FXR1: variants seen among roughly 807,000 people sequenced by gnomAD.
FXR1 encodes FMR1 autosomal homolog 1.
A neutral mutation model predicts 84.0 loss-of-function variants in FXR1; 15 were observed. The ratio of observed to expected loss-of-function variants is 0.18; its 90% CI spans 0.12 to 0.27. The LOEUF (loss-of-function observed/expected upper bound fraction) is 0.27, where lower values mean the gene tolerates loss of function less well. FXR1 is among the 10% of genes least tolerant of loss of function. The probability of loss-of-function intolerance (pLI) is 1.00; values close to 1 mark genes in which losing one functional copy is unlikely to be tolerated. For missense variants in FXR1, 480 were observed against 774.4 expected (o/e 0.62, Z 4.51); for synonymous variants, 245 against 250.7 (o/e 0.98, Z 0.21).
At chr3:180,933,426 T>G in intron 2 of FXR1, 40 bp downstream of exon 2, 1 of 1,154,122 alleles carries the variant, frequency 8.7e-7, no homozygotes, top group Non-Finnish European at 1.3e-6. Flanking sequence ...ATTTTAGAGA[T>G]GGCAGTGCCA....
intron 1 of FXR1, among the ~76,000 whole-genome samples, chr3:180,923,865 TA>T (rs1379989396): frequency 6.6e-6 from 1 of 152,120 alleles, no homozygotes; most frequent in African/African-American, 2.4e-5. Flanking sequence ...GGGTTGGGAT[TA>T]CAGACCCTCA....
intron 3 of FXR1, among the ~76,000 whole-genome samples, chr3:180,943,078 T>C (rs1215365026): frequency 6.6e-6 from 1 of 151,920 alleles, no homozygotes; most frequent in East Asian, 1.9e-4. Flanking sequence ...GTGATTCTCC[T>C]GCCTCAGCCT....
At chr3:180,943,156 G>A (rs565897301) in intron 3 of FXR1, among the ~76,000 whole-genome samples, 5 of 151,688 alleles carry the variant, frequency 3.3e-5, no homozygotes, top group East Asian at 1.9e-4. Context: ...TAGTAGAGAC[G>A]GGGTTTCACC....
intron 3 of FXR1, among the ~76,000 whole-genome samples, chr3:180,939,476 A>G (rs1301139183): frequency 1.3e-5 from 2 of 152,164 alleles, no homozygotes; most frequent in Non-Finnish European, 2.9e-5. Flanking sequence ...GAACTGCCAA[A>G]TGAAAGAGAT....
intron 1 of FXR1, among the ~76,000 whole-genome samples, chr3:180,923,794 C>T (rs1281025527): frequency 2.6e-5 from 4 of 151,966 alleles, no homozygotes; most frequent in African/African-American, 7.3e-5. Flanking sequence ...CCTATGTTGC[C>T]CAGGCTGGCT....
At chr3:180,935,716 T>A (rs1720445581) in intron 3 of FXR1, among the ~76,000 whole-genome samples, 1 of 152,036 alleles carries the variant, frequency 6.6e-6, no homozygotes, top group African/African-American at 2.4e-5. Flanking sequence ...GAGGAAAAAT[T>A]TAAAAGTACA....
At chr3:180,948,279 T>G (rs116548954) in intron 4 of FXR1, 68 bp from the exon 5 acceptor site, 22,277 of 1,172,876 alleles carry the variant, frequency 0.019, 285 homozygotes, top group Middle Eastern at 0.037. Flanking sequence ...GCAAGGTAAT[T>G]AGAACTTCAT....
rs201969106 is a variant in FXR1, at chr3:180,963,102, T to A, written c.1198+12T>A. On this transcript the variant is annotated intron_variant, in intron 13 of 16. Coordinates refer to ENST00000357559, the MANE Select transcript of FXR1 (RefSeq NM_005087.4). ...CACCTCCGGTTATGGTAAAAAAAAA[T>A]TTTTTTTTTTTTTTTTTGGTAATAG... 165 of 245,070 alleles carry A rather than the reference T, an allele frequency of 6.7e-4. No homozygotes were observed. The highest frequency in any genetic ancestry group is 2.2e-3 in the African/African-American group (69 of 31,020). 15.2% of individuals were successfully genotyped at this position (245,070 alleles called of 1,614,324 possible).
At chr3:180,929,767 T>G (rs558736259) in intron 1 of FXR1, among the ~76,000 whole-genome samples, 1 of 152,350 alleles carries the variant, frequency 6.6e-6, no homozygotes, top group South Asian at 2.1e-4. Context: ...TTAAAAGTAT[T>G]GACTGTGTCC....
chr3:180,935,258 G>C (rs1720387621), intron 3 of FXR1, 27 bp downstream of exon 3: 1 of 1,007,634 alleles, frequency 9.9e-7, no homozygotes, highest in Non-Finnish European at 1.6e-6. Context: ...TTATTTTCTT[G>C]TGTCTATTTT....
At chr3:180,968,928 C>G (rs1713186628) in intron 14 of FXR1, among the ~76,000 whole-genome samples, 1 of 152,080 alleles carries the variant, frequency 6.6e-6, no homozygotes, top group Non-Finnish European at 1.5e-5. Flanking sequence ...GATACATAGA[C>G]TATATTAAGG....
chr3:180,914,727 A>G (rs561330612), intron 1 of FXR1: 148 of 832,102 alleles, frequency 1.8e-4, no homozygotes, highest in Admixed American at 6.8e-4. Context: ...CATATCTACA[A>G]TCTACTGCTT....
intron 1 of FXR1, among the ~76,000 whole-genome samples, chr3:180,923,366 T>A: frequency 6.6e-6 from 1 of 152,172 alleles, no homozygotes; most frequent in Non-Finnish European, 1.5e-5. Context: ...ACATTGTGAT[T>A]TGCTTTTTGG....
chr3:180,927,180 A>G (rs953710073), intron 1 of FXR1, among the ~76,000 whole-genome samples: 1 of 152,038 alleles, frequency 6.6e-6, no homozygotes, highest in African/African-American at 2.4e-5. Context: ...AGAGTTTAAA[A>G]CTATATGAAT....
chr3:180,914,079 A>G (rs1366400834), intron 1 of FXR1, among the ~76,000 whole-genome samples: 1 of 152,198 alleles, frequency 6.6e-6, no homozygotes, highest in East Asian at 1.9e-4. Context: ...GCAAGTTTAA[A>G]TCTCCTTAGG....
chr3:180,955,287 C>A (rs545407687), intron 9 of FXR1, among the ~76,000 whole-genome samples: 1 of 152,214 alleles, frequency 6.6e-6, no homozygotes, highest in South Asian at 2.1e-4. Context: ...GCGTGATCCA[C>A]CGCGCCCGGA....
chr3:180,963,092 TAA>T lies in FXR1; in HGVS notation c.1198+10_1198+11del. ...GACCTAATTACACCTCCGGTTATGGTAAAAAAAAATTTTTTTTTTTTTTTTTT... is the reference window on the plus strand; with the variant it reads ...GACCTAATTACACCTCCGGTTATGGTAAAAAAATTTTTTTTTTTTTTTTTT... On this transcript the variant is annotated splice_donor_region_variant and intron_variant, in intron 13 of 16. Coordinates refer to ENST00000357559, the MANE Select transcript of FXR1 (RefSeq NM_005087.4). 5.9e-6 allele frequency: 8 copies of T among 1,353,074 alleles called. No individual in the cohort carries two copies. The highest frequency in any genetic ancestry group is 8.2e-6 in the Non-Finnish European group (8 of 973,092). 83.8% of individuals were successfully genotyped at this position (1,353,074 alleles called of 1,614,324 possible).
chr3:180,914,912 CTG>C (rs1717695854), intron 1 of FXR1: 1 of 984,414 alleles, frequency 1.0e-6, no homozygotes, highest in Non-Finnish European at 1.2e-6. Flanking sequence ...TTTGTGGAAA[CTG>C]TGGTCTTCAG....
chr3:180,931,026 C>CAAAAAAAAAAAAAAGAAAA (rs1719827835), intron 1 of FXR1, among the ~76,000 whole-genome samples: 1 of 55,642 alleles, frequency 1.8e-5, no homozygotes, highest in African/African-American at 6.0e-5. Context: ...GAGACTGCCT[C>CAAAAAAAAAAAAAAGAAAA]AAAAAAAAAA....
Sources: allele counts gnomAD v4.1 joint callset (sites outside exome capture counted in the v4.1 genomes callset), GRCh38; gene constraint gnomAD v4.1.1; transcripts MANE v1.5; gene names NCBI Gene and HGNC (gene_info 2026-07-23, HGNC 2026-07-21).